The following GALNT13 variants were observed in gnomAD, a reference collection of about 807,000 sequenced individuals.
GALNT13 encodes UDP-GalNAc:polypeptide N-acetylgalactosaminyltransferase 13.
GALNT13 carries 28 observed loss-of-function variants against 64.2 expected under a neutral mutation model. The observed-to-expected ratio is 0.44, with a 90% CI of 0.32 to 0.60. GALNT13 has a LOEUF of 0.60. GALNT13 is among the 20% of genes least tolerant of loss of function. The pLI is 0.05. For synonymous variants in GALNT13, 214 were observed against 224.6 expected, an observed-to-expected ratio of 0.95 and a Z score of 0.42; for missense variants, 577 against 669.8, an observed-to-expected ratio of 0.86 and a Z score of 1.53.
chr2:153,154,014 A>T, the GALNT13 span, among the ~76,000 whole-genome samples: 103,826 of 151,098 alleles, frequency 0.69, 35,963 homozygotes, highest in East Asian at 0.83. Flanking sequence ...GATATTGATT[A>T]TTCCTATCCA....
the GALNT13 span, among the ~76,000 whole-genome samples, chr2:153,316,626 C>A: frequency 1.1e-5 from 1 of 87,320 alleles, no homozygotes. Context: ...GGCAGCAGAG[C>A]GAGACTCCGT....
At chr2:153,177,849 C>A in the GALNT13 span, among the ~76,000 whole-genome samples, 2 of 151,910 alleles carry the variant, frequency 1.3e-5, no homozygotes, top group African/African-American at 4.8e-5. Flanking sequence ...GGCATTATAC[C>A]CTTTAACCAT....
intron 1 of GALNT13, among the ~76,000 whole-genome samples, chr2:153,882,868 T>G (rs766691343): frequency 6.0e-5 from 9 of 151,162 alleles, no homozygotes; most frequent in Non-Finnish European, 1.3e-4. Flanking sequence ...CTTAACTACA[T>G]AAAACAGCAA....
At chr2:153,287,833 C>G in the GALNT13 span, among the ~76,000 whole-genome samples, 1 of 152,144 alleles carries the variant, frequency 6.6e-6, no homozygotes, top group African/African-American at 2.4e-5. Flanking sequence ...TTGGACATCG[C>G]AACATTTGGG....
Position 154,049,236 on chromosome 2 carries a change from G to A in GALNT13, c.143-91101G>A, listed in dbSNP as rs373313558. ...GGAATAGGCTGAAAGTACATTTTGCGGGTCTGTGGAATTTGTCTTAATACT... is the reference window on the plus strand; with the variant it reads ...GGAATAGGCTGAAAGTACATTTTGCAGGTCTGTGGAATTTGTCTTAATACT... On this transcript the variant is annotated intron_variant, in intron 3 of 12. Coordinates refer to ENST00000392825, the MANE Select transcript of GALNT13 (RefSeq NM_052917.4). Among the ~76,000 whole-genome samples the A allele has an allele frequency of 2.4e-4, 36 of 151,400 alleles. No individual in the cohort carries two copies. In the East Asian group the frequency reaches 4.7e-3, roughly 20 times the overall value.
chr2:153,157,417 G>T, the GALNT13 span, among the ~76,000 whole-genome samples: 1 of 152,140 alleles, frequency 6.6e-6, no homozygotes, highest in Non-Finnish European at 1.5e-5. Context: ...AATGGGCTCT[G>T]TGTAATTGGA....
At chr2:153,412,098 G>T in the GALNT13 span, among the ~76,000 whole-genome samples, 2 of 152,158 alleles carry the variant, frequency 1.3e-5, no homozygotes, top group African/African-American at 4.8e-5. Context: ...ACATCCAACG[G>T]TCTCCAAGTT....
At chr2:153,448,308 A>T in the GALNT13 span, among the ~76,000 whole-genome samples, 1 of 152,182 alleles carries the variant, frequency 6.6e-6, no homozygotes, top group East Asian at 1.9e-4. Flanking sequence ...GGAAACCTTG[A>T]AGCCAACTTA....
chr2:154,193,213 T>G (rs1686694031), intron 4 of GALNT13, among the ~76,000 whole-genome samples: 1 of 152,142 alleles, frequency 6.6e-6, no homozygotes, highest in Non-Finnish European at 1.5e-5. Flanking sequence ...CATAAATAAT[T>G]TATAATTGTT....
the GALNT13 span, among the ~76,000 whole-genome samples, chr2:153,545,894 G>A: frequency 8.5e-5 from 13 of 152,304 alleles, no homozygotes; most frequent in African/African-American, 2.4e-4. Context: ...GGCAAAGTAC[G>A]TGGATCCAGT....
chr2:153,546,349 C>A, the GALNT13 span, among the ~76,000 whole-genome samples: 1 of 152,148 alleles, frequency 6.6e-6, no homozygotes, highest in South Asian at 2.1e-4. Flanking sequence ...AAATCATTTT[C>A]ATCCCCTGGA....
chr2:153,575,511 G>C, the GALNT13 span, among the ~76,000 whole-genome samples: 1 of 152,140 alleles, frequency 6.6e-6, no homozygotes, highest in Non-Finnish European at 1.5e-5. Flanking sequence ...GGGAGTCAGG[G>C]GCTAGAGTCA....
chr2:154,036,257 G>A (rs994282484), intron 3 of GALNT13, among the ~76,000 whole-genome samples: 2 of 152,046 alleles, frequency 1.3e-5, no homozygotes, highest in African/African-American at 4.8e-5. Context: ...TCACTTAAAT[G>A]TATCTGTTCT....
At chr2:153,248,340 A>G in the GALNT13 span, among the ~76,000 whole-genome samples, 407 of 152,358 alleles carry the variant, frequency 2.7e-3, 1 homozygote, top group Non-Finnish European at 4.2e-3. Context: ...CAAATCCAGC[A>G]GCACATCACA....
chr2:154,365,945 G>A (rs986434592), intron 9 of GALNT13, among the ~76,000 whole-genome samples: 1 of 152,136 alleles, frequency 6.6e-6, no homozygotes, highest in Non-Finnish European at 1.5e-5. Flanking sequence ...GGCCATTAGT[G>A]TGAAGTCAAT....
the GALNT13 span, among the ~76,000 whole-genome samples, chr2:153,605,418 A>G: frequency 6.6e-6 from 1 of 152,128 alleles, no homozygotes; most frequent in African/African-American, 2.4e-5. Context: ...CTGCTTCAGC[A>G]TACTGCAGTT....
chr2:154,055,976 C>T (rs1699874802), intron 3 of GALNT13, among the ~76,000 whole-genome samples: 1 of 151,942 alleles, frequency 6.6e-6, no homozygotes, highest in South Asian at 2.1e-4. Flanking sequence ...GTTAAGTAAA[C>T]CAATAAGAAG....
At chr2:154,149,986 G>A (rs868024071) in intron 4 of GALNT13, among the ~76,000 whole-genome samples, 1 of 152,136 alleles carries the variant, frequency 6.6e-6, no homozygotes, top group African/African-American at 2.4e-5. Context: ...TGGTGAGAGA[G>A]GGCATCCCTG....
chr2:153,723,986 C>T, the GALNT13 span, among the ~76,000 whole-genome samples: 21 of 148,878 alleles, frequency 1.4e-4, no homozygotes, highest in East Asian at 4.0e-4. Context: ...AAAAAGAGCC[C>T]GCATCGCCAA....
Sources: allele counts gnomAD v4.1 joint callset (sites outside exome capture counted in the v4.1 genomes callset), GRCh38; gene constraint gnomAD v4.1.1; transcripts MANE v1.5; gene names NCBI Gene and HGNC (gene_info 2026-07-23, HGNC 2026-07-21).